The following CCDC185 variants were observed in gnomAD, a reference collection of about 807,000 sequenced individuals.
CCDC185 encodes coiled-coil domain containing 185, also known as coiled-coil domain-containing protein 185.
For missense variants in CCDC185, 982 were observed against 825.3 expected, an observed-to-expected ratio of 1.19 and a Z score of -2.33; for synonymous variants, 381 against 348.1, an observed-to-expected ratio of 1.09 and a Z score of -1.05.
In CCDC185 at chr1:223,395,164, G is replaced by T; in HGVS notation, c.1689G>T (p.Glu563Asp). The part of the protein sequence containing the change: ...EEKCHIEGIK[E>D]AIKKKEQRVQ... ...AGTGTCACATTGAGGGCATCAAGGA[G>T]GCCATTAAGAAAAAGGAGCAGAGGG... The change falls in exon 1 of 1, where the codon GAG (glutamate) becomes GAT (aspartate). Residue 563 changes from glutamate to aspartate, a missense_variant. Glu to Asp is a conservative substitution (Grantham distance 45). Coordinates refer to ENST00000366875, the MANE Select transcript of CCDC185 (RefSeq NM_152610.3). The T allele has an allele frequency of 1.2e-6, 2 of 1,614,080 alleles. No homozygotes were observed. The highest frequency in any genetic ancestry group is 1.7e-6 in the Non-Finnish European group (2 of 1,180,018).
Position 223,394,556 on chromosome 1 carries a change from C to G in CCDC185, c.1081C>G (p.Leu361Val), listed in dbSNP as rs1324750981. The change falls in exon 1 of 1, where the codon CTG (leucine) becomes GTG (valine). Residue 361 changes from leucine to valine, a missense_variant. Physicochemically the swap from Leu to Val is conservative, Grantham distance 32. Coordinates refer to ENST00000366875, the MANE Select transcript of CCDC185 (RefSeq NM_152610.3). ...CCAGGAGAGCCCGCGCCAGGAGAAG[C>G]TGGAGAAGGCGCGCGCCCAGGCAGA... ...EDQESPRQEK[L>V]EKARAQAEHR... 6.2e-7 allele frequency: 1 copy of G among 1,604,138 alleles called. No individual in the cohort carries two copies. The highest frequency in any genetic ancestry group is 1.1e-5 in the South Asian group (1 of 89,886).
rs1389800718 is a variant in CCDC185, at chr1:223,393,764, A to G, written c.289A>G (p.Arg97Gly). 6.4e-7 allele frequency: 1 copy of G among 1,565,352 alleles called. No individual in the cohort carries two copies. Among genetic ancestry groups the G allele is most frequent in the Non-Finnish European group, 8.6e-7 (1 of 1,157,446 alleles). ...GGCCCGCAGGCCCCTGGAACGTTCC[A>G]GGAAGCACCGGCCCCGCAGCAGGCG... ...DVARRPLERS[R>G]KHRPRSRRLE... Residue 97 changes from arginine (R) to glycine (G), a missense_variant, in exon 1 of 1, where the codon AGG becomes GGG. Transcript: ENST00000366875. This position sits in a 1 kb window ranked among gnomAD's most constrained non-coding sequence, Gnocchi z 4.8.
rs150515474 is a variant in CCDC185, at chr1:223,395,006, G to C, written c.1531G>C (p.Asp511His). Reference sequence around the variant, plus strand: ...CAAAAGAATTCTGGTGGAGCTGGCGGATGAGAAGATCCGACAGGCCAGGAG... The same window carrying C: ...CAAAAGAATTCTGGTGGAGCTGGCGCATGAGAAGATCCGACAGGCCAGGAG... ...MRKRILVELA[D>H]EKIRQARSHV... Residue 511 changes from aspartate (D) to histidine (H), a missense_variant, in exon 1 of 1, where the codon GAT becomes CAT. Asp to His is a moderately conservative substitution (Grantham distance 81, BLOSUM62 -1). Coordinates refer to ENST00000366875, the MANE Select transcript of CCDC185 (RefSeq NM_152610.3). The C allele has an allele frequency of 6.6e-4, 1,072 of 1,614,090 alleles. 5 individuals carry two copies. Among genetic ancestry groups the C allele is most frequent in the South Asian group, 4.9e-3 (449 of 91,070 alleles).
chr1:223,394,327 G>A, the CCDC185 span: 1 of 1,606,366 alleles, frequency 6.2e-7, no homozygotes, highest in Non-Finnish European at 8.5e-7. Context: ...CTAAGGCCTG[G>A]GAGGAGCTGA....
rs767644284 is a variant in CCDC185 at position 223,394,869 on chromosome 1, G to A, written c.1394G>A (p.Gly465Asp). 3 of 1,614,148 alleles carry A rather than the reference G, an allele frequency of 1.9e-6. No homozygotes were observed. In the South Asian group the frequency reaches 3.3e-5, roughly 18 times the overall value. ...CAGCGGTCCCAGGAGATACACCAGG[G>A]CCTGAGGAAGGAGCGGCAACGCGAG... ...SFQRSQEIHQ[G>D]LRKERQRELR... Residue 465 changes from glycine (G) to aspartate (D), a missense_variant, in exon 1 of 1, where the codon GGC becomes GAC. By Grantham distance (94) the Gly-to-Asp change is moderately conservative. Coordinates refer to ENST00000366875, the MANE Select transcript of CCDC185 (RefSeq NM_152610.3).
rs746989175 is a variant in CCDC185 at position 223,394,543 on chromosome 1, G to A, written c.1068G>A (p.Pro356=). Residue 356 remains proline, a synonymous_variant, in exon 1 of 1, where the codon CCG becomes CCA. Coordinates refer to ENST00000366875, the MANE Select transcript of CCDC185 (RefSeq NM_152610.3). ...AGCAACCAGAGGACCAGGAGAGCCCGCGCCAGGAGAAGCTGGAGAAGGCGC... is the reference window on the plus strand; with the variant it reads ...AGCAACCAGAGGACCAGGAGAGCCCACGCCAGGAGAAGCTGGAGAAGGCGC... ...WKEQPEDQES[P]RQEKLEKARA... The A allele has an allele frequency of 1.4e-5, 23 of 1,600,564 alleles. No individual in the cohort carries two copies. The highest frequency in any genetic ancestry group is 1.9e-5 in the Non-Finnish European group (22 of 1,174,090).
chr1:223,394,832 G>T, the CCDC185 span: 1 of 1,613,806 alleles, frequency 6.2e-7, no homozygotes, highest in Non-Finnish European at 8.5e-7. Context: ...GCTGTCCCTG[G>T]AACAAAGTTT....
rs763821566 is a variant in CCDC185, at chr1:223,394,105, G to C, written c.630G>C (p.Gln210His). The C allele has an allele frequency of 6.2e-7, 1 of 1,614,146 alleles. No homozygotes were observed. ...GGCACTCAGCCTGCGTGTGCGCCCA[G>C]AAGAGAGACAGCAGCGACCAGGTTG... Reference protein sequence around the residue: ...FKRHSACVCAQKRDSSDQVES... With the variant: ...FKRHSACVCAHKRDSSDQVES... Residue 210 changes from glutamine to histidine, a missense_variant, in exon 1 of 1, where the codon CAG (glutamine) becomes CAC (histidine). Gln to His is a conservative substitution (Grantham distance 24). Transcript: ENST00000366875.
In CCDC185 at chr1:223,394,687, C is replaced by T; in HGVS notation, c.1212C>T (p.Ala404=). 1.9e-6 allele frequency: 3 copies of T among 1,612,368 alleles called. No individual in the cohort carries two copies. Among genetic ancestry groups the T allele is most frequent in the Non-Finnish European group, 2.5e-6 (3 of 1,179,646 alleles). ...SLQLQRRLVE[A]CRKRHLHAVE... ...AGCTGCAGAGGAGGCTGGTGGAAGCCTGTCGCAAGAGGCACCTACATGCCG... is the reference window on the plus strand; with the variant it reads ...AGCTGCAGAGGAGGCTGGTGGAAGCTTGTCGCAAGAGGCACCTACATGCCG... The change falls in exon 1 of 1, where the codon GCC becomes GCT. Residue 404 remains alanine, a synonymous_variant. Coordinates refer to ENST00000366875, the MANE Select transcript of CCDC185 (RefSeq NM_152610.3).
In CCDC185 at chr1:223,394,430, C is replaced by T. The variant is rs765942457; in HGVS notation, c.955C>T (p.Arg319Cys). The T allele has an allele frequency of 3.1e-5, 48 of 1,567,188 alleles. No homozygotes were observed. In the South Asian group the frequency reaches 4.9e-4, roughly 16 times the overall value. ...SQEQWQEKEQ[R>C]KTLQSPEQRG... ...GGAGCAGTGGCAGGAGAAGGAGCAG[C>T]GCAAGACCCTCCAGAGCCCTGAGCA... Residue 319 changes from arginine to cysteine, a missense_variant, in exon 1 of 1, where the codon CGC (arginine) becomes TGC (cysteine). Coordinates refer to ENST00000366875, the MANE Select transcript of CCDC185 (RefSeq NM_152610.3).
chr1:223,393,594 C>T lies in CCDC185; in HGVS notation c.119C>T (p.Ser40Phe), dbSNP rs781764274. Reference protein sequence around the residue: ...RLGGQRSGADSTACSRAGTPG... With the variant: ...RLGGQRSGADFTACSRAGTPG... The stretch of plus-strand genomic sequence containing the variant: ...GGCGGGCAGAGGTCCGGAGCCGACT[C>T]CACCGCGTGCTCCCGGGCCGGGACT... Residue 40 changes from serine (S) to phenylalanine (F), a missense_variant, in exon 1 of 1, where the codon TCC becomes TTC. By Grantham distance (155) the Ser-to-Phe change is radical. Transcript: ENST00000366875. This position sits in a 1 kb window ranked among gnomAD's most constrained non-coding sequence, Gnocchi z 4.8. The T allele has an allele frequency of 6.5e-7, 1 of 1,529,840 alleles. No homozygotes were observed. Among genetic ancestry groups the T allele is most frequent in the East Asian group, 2.4e-5 (1 of 42,256 alleles). The allele number at this position is 1,529,840 out of a possible 1,614,324, so 94.8% of individuals were successfully genotyped here. A position where few individuals can be genotyped will look rare whatever the true frequency, so the allele number is the denominator to read the frequency against.
In CCDC185 at chr1:223,393,490, C is replaced by A. The variant is rs1485553469; in HGVS notation, c.15C>A (p.Ser5Arg). ...CAGAGGGAGGGATGGCAGGCTTCAGCCACTTCTCCCAGCCGCCCTACCGGG... is the reference window on the plus strand; with the variant it reads ...CAGAGGGAGGGATGGCAGGCTTCAGACACTTCTCCCAGCCGCCCTACCGGG... MAGF[S>R]HFSQPPYRDL... is the part of the protein sequence containing the mutation. The change falls in exon 1 of 1, where the codon AGC becomes AGA. Residue 5 changes from serine to arginine, a missense_variant. Coordinates refer to ENST00000366875, the MANE Select transcript of CCDC185 (RefSeq NM_152610.3). This position sits in a 1 kb window ranked among gnomAD's most constrained non-coding sequence, Gnocchi z 4.8. 2.0e-6 allele frequency: 3 copies of A among 1,497,706 alleles called. No individual in the cohort carries two copies. The highest frequency in any genetic ancestry group is 2.7e-6 in the Non-Finnish European group (3 of 1,125,080). The allele number at this position is 1,497,706 out of a possible 1,614,324, so 92.8% of individuals were successfully genotyped here. A position where few individuals can be genotyped will look rare whatever the true frequency, so the allele number is the denominator to read the frequency against.
rs757701072 is a variant in CCDC185 at position 223,394,264 on chromosome 1, G to A, written c.789G>A (p.Val263=). The part of the protein sequence containing the change: ...SSQDQQIVAL[V]LTRLKKAQRI... The stretch of plus-strand genomic sequence containing the variant: ...AGGACCAGCAGATTGTGGCCCTGGT[G>A]CTGACCCGTCTCAAGAAGGCCCAGA... Residue 263 remains valine (V), a synonymous_variant, in exon 1 of 1, where the codon GTG becomes GTA. Coordinates refer to ENST00000366875, the MANE Select transcript of CCDC185 (RefSeq NM_152610.3). 8.1e-6 allele frequency: 13 copies of A among 1,613,802 alleles called. No individual in the cohort carries two copies. The highest frequency in any genetic ancestry group is 8.5e-6 in the Non-Finnish European group (10 of 1,180,010).
chr1:223,393,772 C>G lies in CCDC185; in HGVS notation c.297C>G (p.His99Gln). The change falls in exon 1 of 1, where the codon CAC becomes CAG. Residue 99 changes from histidine to glutamine, a missense_variant. Coordinates refer to ENST00000366875, the MANE Select transcript of CCDC185 (RefSeq NM_152610.3). This position sits in a 1 kb window ranked among gnomAD's most constrained non-coding sequence, Gnocchi z 4.8. ...ARRPLERSRK[H>Q]RPRSRRLEDA... ...GGCCCCTGGAACGTTCCAGGAAGCA[C>G]CGGCCCCGCAGCAGGCGCCTGGAAG... 6.4e-7 allele frequency: 1 copy of G among 1,566,076 alleles called. No homozygotes were observed. Among genetic ancestry groups the G allele is most frequent in the Non-Finnish European group, 8.6e-7 (1 of 1,157,704 alleles).
At position 223,395,461 on chromosome 1, in the gene CCDC185, T is replaced by C; in HGVS notation, c.*114T>C. The C allele has an allele frequency of 1.7e-6, 2 of 1,173,438 alleles. No individual in the cohort carries two copies. The highest frequency in any genetic ancestry group is 2.8e-5 in the East Asian group (1 of 35,374). The allele number at this position is 1,173,438 out of a possible 1,614,324, so 72.7% of individuals were successfully genotyped here. On this transcript the variant is annotated 3_prime_UTR_variant, in exon 1 of 1. Coordinates refer to ENST00000366875, the MANE Select transcript of CCDC185 (RefSeq NM_152610.3). ...ATTTTAAAAAAGCATGTAAAATAGC[T>C]GCAATTTCCTCTCATGAACTGGTTT...
chr1:223,394,584 A>G lies in CCDC185; in HGVS notation c.1109A>G (p.His370Arg). Residue 370 changes from histidine to arginine, a missense_variant, in exon 1 of 1, where the codon CAC becomes CGC. His to Arg is a conservative substitution (Grantham distance 29). Transcript: ENST00000366875. ...KLEKARAQAE[H>R]RKQCQVRRLR... ...GAGAAGGCGCGCGCCCAGGCAGAGC[A>G]CCGAAAACAGTGCCAGGTGCGGCGC... is the stretch of plus-strand genomic sequence containing the variant. The G allele has an allele frequency of 6.2e-7, 1 of 1,610,342 alleles. No individual in the cohort carries two copies. The highest frequency in any genetic ancestry group is 2.2e-5 in the East Asian group (1 of 44,692).
chr1:223,393,704 G>T lies in CCDC185; in HGVS notation c.229G>T (p.Asp77Tyr). The T allele has an allele frequency of 6.4e-7, 1 of 1,573,864 alleles. No individual in the cohort carries two copies. ...GCGGCCTCGCAGGCGCGGGTGCTCA[G>T]ATTCACTGCGGGGCAGCCGAAGCCT... ...TPRPRRRGCSDSLRGSRSLSD... is the reference protein window; with the variant it reads ...TPRPRRRGCSYSLRGSRSLSD... Residue 77 changes from aspartate (D) to tyrosine (Y), a missense_variant, in exon 1 of 1, where the codon GAT becomes TAT. Physicochemically the swap from Asp to Tyr is radical, Grantham distance 160 (BLOSUM62 -3). Coordinates refer to ENST00000366875, the MANE Select transcript of CCDC185 (RefSeq NM_152610.3). The surrounding 1 kb of genome is among the most constrained non-coding windows in gnomAD (Gnocchi z 4.8).
rs370270295 is a variant in CCDC185 at position 223,393,900 on chromosome 1, A to G, written c.425A>G (p.Gln142Arg). 1 of 1,611,390 alleles carries G rather than the reference A, an allele frequency of 6.2e-7. No individual in the cohort carries two copies. Among genetic ancestry groups the G allele is most frequent in the South Asian group, 1.1e-5 (1 of 90,704 alleles). ...PQPCPHYPLAQGDSPPPCPGG... is the reference protein window; with the variant it reads ...PQPCPHYPLARGDSPPPCPGG... ...CCCTGCCCGCATTACCCTCTGGCCC[A>G]GGGAGACTCGCCCCCGCCTTGCCCC... The change falls in exon 1 of 1, where the codon CAG becomes CGG. Residue 142 changes from glutamine to arginine, a missense_variant. Physicochemically the swap from Gln to Arg is conservative, Grantham distance 43 (BLOSUM62 1). Coordinates refer to ENST00000366875, the MANE Select transcript of CCDC185 (RefSeq NM_152610.3). This position sits in a 1 kb window ranked among gnomAD's most constrained non-coding sequence, Gnocchi z 4.8.
At position 223,394,016 on chromosome 1, in the gene CCDC185, G is replaced by C. The variant is rs1226543084; in HGVS notation, c.541G>C (p.Gly181Arg). ...QWAVPLGRHL[G>R]RWSPSSVPSE... Reference sequence around the variant, plus strand: ...GGCAGTGCCACTCGGCAGACATCTAGGTCGCTGGTCCCCTTCCTCAGTTCC... The same window carrying C: ...GGCAGTGCCACTCGGCAGACATCTACGTCGCTGGTCCCCTTCCTCAGTTCC... Residue 181 changes from glycine (G) to arginine (R), a missense_variant, in exon 1 of 1, where the codon GGT (glycine) becomes CGT (arginine). Gly to Arg is a moderately radical substitution (Grantham distance 125). Transcript: ENST00000366875. 6.2e-7 allele frequency: 1 copy of C among 1,614,146 alleles called. No homozygotes were observed. The highest frequency in any genetic ancestry group is 1.3e-5 in the African/African-American group (1 of 75,068).
Sources: allele counts gnomAD v4.1 joint callset, GRCh38; gene constraint gnomAD v4.1.1; non-coding constraint Gnocchi (gnomAD v3.1); transcripts MANE v1.5; gene names NCBI Gene and HGNC (gene_info 2026-07-23, HGNC 2026-07-21).